The following INPP4B variants were observed in gnomAD, a reference collection of about 807,000 sequenced individuals.
INPP4B encodes the protein inositol polyphosphate 4-phosphatase type II.
In INPP4B, 55 loss-of-function variants were observed where a neutral mutation model predicts 122.5. That is an observed-to-expected ratio of 0.45 (90% confidence interval 0.36 to 0.56). INPP4B has a LOEUF of 0.56. INPP4B is among the 20% of genes least tolerant of loss of function. INPP4B has a pLI of 0.00. For missense variants in INPP4B, 1,000 were observed against 1,097.7 expected, an observed-to-expected ratio of 0.91 and a Z score of 1.26; for synonymous variants, 403 against 388.7, an observed-to-expected ratio of 1.04 and a Z score of -0.43.
intron 12 of INPP4B, among the ~76,000 whole-genome samples, chr4:142,228,638 A>G (rs1283811328): frequency 6.6e-6 from 1 of 150,466 alleles, no homozygotes; most frequent in African/African-American, 2.4e-5. Flanking sequence ...TTTACTGTTT[A>G]ATATTGAACT....
rs1378731466 is a variant in INPP4B at position 142,431,628 on chromosome 4, T to C, written c.-126-243A>G. Among the ~76,000 whole-genome samples, 3 of 152,170 alleles carry C rather than the reference T, an allele frequency of 2.0e-5. No individual in the cohort carries two copies. In the South Asian group the frequency reaches 6.2e-4, roughly 31 times the overall value. ...TAAAACATGAAAGGTGTATTATTTA[T>C]CTTCTAGTTCAGTCTGTAAGATAGT... On this transcript the variant is annotated intron_variant, in intron 3 of 25. Coordinates refer to ENST00000262992, the MANE Select transcript of INPP4B (RefSeq NM_001101669.3).
At chr4:142,525,543 A>C (rs1244430036) in intron 2 of INPP4B, among the ~76,000 whole-genome samples, 2 of 62,992 alleles carry the variant, frequency 3.2e-5, no homozygotes, top group African/African-American at 9.1e-5. Flanking sequence ...AAACAGAGAT[A>C]TAGATCAATG....
chr4:142,489,879 AG>A (rs1366843152), intron 2 of INPP4B, among the ~76,000 whole-genome samples: 5 of 152,176 alleles, frequency 3.3e-5, no homozygotes, highest in Non-Finnish European at 7.3e-5. Flanking sequence ...CTTCCTTCTC[AG>A]GTAATAATCC....
At chr4:142,739,925 A>C (rs1212247698) in intron 1 of INPP4B, among the ~76,000 whole-genome samples, 3 of 152,040 alleles carry the variant, frequency 2.0e-5, no homozygotes, top group African/African-American at 7.2e-5. Context: ...GAAAAGAGAC[A>C]TGAAGAACAA....
intron 11 of INPP4B, among the ~76,000 whole-genome samples, chr4:142,246,051 T>TATATATATGTGTGTGTATACATACACA: frequency 1.9e-5 from 1 of 52,526 alleles, no homozygotes; most frequent in African/African-American, 5.4e-5. Flanking sequence ...TATACACACA[T>TATATATATGTGTGTGTATACATACACA]TATATATATG....
intron 2 of INPP4B, among the ~76,000 whole-genome samples, chr4:142,627,289 G>GAATAGGTA (rs1468718491): frequency 6.6e-6 from 1 of 150,888 alleles, no homozygotes; most frequent in East Asian, 1.9e-4. Flanking sequence ...CCAACACTAT[G>GAATAGGTA]TTGAATAGGA....
At chr4:142,765,182 T>C (rs1002258119) in intron 1 of INPP4B, among the ~76,000 whole-genome samples, 38 of 152,014 alleles carry the variant, frequency 2.5e-4, no homozygotes, top group Non-Finnish European at 5.4e-4. Context: ...AAGTTGATAA[T>C]GGAATGGCCC....
At chr4:142,636,192 C>T (rs1449568964) in intron 2 of INPP4B, among the ~76,000 whole-genome samples, 1 of 152,108 alleles carries the variant, frequency 6.6e-6, no homozygotes, top group African/African-American at 2.4e-5. Flanking sequence ...TGAAAGTTTC[C>T]TGAGGTCTCC....
chr4:142,504,745 G>T (rs146206266), intron 2 of INPP4B, among the ~76,000 whole-genome samples: 1 of 151,998 alleles, frequency 6.6e-6, no homozygotes, highest in Non-Finnish European at 1.5e-5. Context: ...GAAAGATACA[G>T]AAAAATGTGT....
At chr4:142,285,329 A>G (rs1013010666) in intron 9 of INPP4B, among the ~76,000 whole-genome samples, 2 of 151,788 alleles carry the variant, frequency 1.3e-5, no homozygotes, top group Non-Finnish European at 2.9e-5. Context: ...GTGCACCCCA[A>G]GTAAAAATTT....
chr4:142,070,972 A>G (rs182979515), intron 25 of INPP4B, among the ~76,000 whole-genome samples: 1 of 152,318 alleles, frequency 6.6e-6, no homozygotes, highest in African/African-American at 2.4e-5. Context: ...TCTTCACAGA[A>G]TTGGAAAAAA....
intron 10 of INPP4B, among the ~76,000 whole-genome samples, chr4:142,268,100 G>C (rs1743710293): frequency 6.6e-6 from 1 of 151,624 alleles, no homozygotes; most frequent in Admixed American, 6.6e-5. Flanking sequence ...GAGACAGGCA[G>C]ATCACGAAAT....
At chr4:142,445,216 CAA>C (rs1312115976) in intron 3 of INPP4B, among the ~76,000 whole-genome samples, 1 of 151,842 alleles carries the variant, frequency 6.6e-6, no homozygotes, top group Non-Finnish European at 1.5e-5. Flanking sequence ...GACTTAAACA[CAA>C]AGAGTGAAAA....
At chr4:142,102,327 C>T (rs1321543946) in intron 23 of INPP4B, among the ~76,000 whole-genome samples, 2 of 151,976 alleles carry the variant, frequency 1.3e-5, no homozygotes, top group Non-Finnish European at 2.9e-5. Flanking sequence ...AAGTCCTTGA[C>T]ATGCACTCAC....
chr4:142,102,937 T>C (rs1785190615), intron 23 of INPP4B, among the ~76,000 whole-genome samples: 2 of 152,150 alleles, frequency 1.3e-5, no homozygotes, highest in Admixed American at 1.3e-4. Flanking sequence ...AAAAACTCTC[T>C]CACTTGATTC....
intron 12 of INPP4B, among the ~76,000 whole-genome samples, chr4:142,219,314 T>A (rs1441648892): frequency 1.3e-5 from 2 of 152,212 alleles, no homozygotes; most frequent in East Asian, 3.8e-4. Flanking sequence ...TAATTTTAGG[T>A]AACTGCATTA....
intron 9 of INPP4B, among the ~76,000 whole-genome samples, chr4:142,277,324 A>G (rs978231016): frequency 8.6e-5 from 13 of 151,684 alleles, no homozygotes; most frequent in South Asian, 4.2e-4. Context: ...TGCTGTGCAG[A>G]AGTTTTTTAG....
At chr4:142,845,028 TC>T (rs993915440) in intron 1 of INPP4B, among the ~76,000 whole-genome samples, 4 of 152,038 alleles carry the variant, frequency 2.6e-5, no homozygotes, top group African/African-American at 7.2e-5. Flanking sequence ...CAAATAACAT[TC>T]CAGAAAGAGA....
At chr4:142,832,169 T>C (rs1344926555) in intron 1 of INPP4B, among the ~76,000 whole-genome samples, 1 of 152,286 alleles carries the variant, frequency 6.6e-6, no homozygotes, top group East Asian at 1.9e-4. Flanking sequence ...GAGTAGATAA[T>C]TCAGTGATGA....
Sources: gnomAD v4.1 joint callset for allele counts (sites outside exome capture counted in the v4.1 genomes callset) on GRCh38, gnomAD v4.1.1 for gene constraint, MANE v1.5 for transcripts, NCBI Gene and HGNC (gene_info 2026-07-23, HGNC 2026-07-21) for gene names.